CFAP69: variants seen among roughly 807,000 people sequenced by gnomAD.
The protein encoded by CFAP69 is cilia and flagella associated protein 69.
A neutral mutation model predicts 123.0 loss-of-function variants in CFAP69; 92 were observed. That is an observed-to-expected ratio of 0.75 (90% CI 0.63 to 0.89). The LOEUF is 0.89. Ranked by LOEUF, CFAP69 falls within the 40% of genes least tolerant of loss-of-function variation. The probability of loss-of-function intolerance (pLI) is 0.00; values close to 1 mark genes in which losing one functional copy is unlikely to be tolerated. For synonymous variants in CFAP69, 380 were observed against 364.3 expected (o/e 1.04, Z -0.49); for missense variants, 1,067 against 1,096.9 (o/e 0.97, Z 0.39).
At chr7:90,319,086 G>T in the CFAP69 span, 3 of 289,606 alleles carry the variant, frequency 1.0e-5, no homozygotes, top group East Asian at 5.8e-5. Flanking sequence ...GCTTTCTTAT[G>T]AACTATTCAT....
rs77891904 is a variant in CFAP69 at position 90,254,663 on chromosome 7, G to A, written c.121-760G>A. Among the ~76,000 whole-genome samples, 693 of 152,198 alleles carry A rather than the reference G, an allele frequency of 4.6e-3. 2 individuals are homozygous for A. Among genetic ancestry groups the A allele is most frequent in the Middle Eastern group, 0.014 (4 of 294 alleles). On this transcript the variant is annotated intron_variant, in intron 1 of 22. Coordinates refer to ENST00000389297, the MANE Select transcript of CFAP69 (RefSeq NM_001039706.3). Reference sequence around the variant, plus strand: ...TTTGGGAAGGTAACACCTGAGCTTCGTCTTGAAGGACCTGTGGGAATTAAC... The same window carrying A: ...TTTGGGAAGGTAACACCTGAGCTTCATCTTGAAGGACCTGTGGGAATTAAC...
At position 90,299,961 on chromosome 7, in the gene CFAP69, G is replaced by A. The variant is rs796742992; in HGVS notation, c.1952G>A (p.Gly651Glu). 3 of 1,612,188 alleles carry A rather than the reference G, an allele frequency of 1.9e-6. No individual in the cohort carries two copies. Among genetic ancestry groups the A allele is most frequent in the South Asian group, 2.2e-5 (2 of 90,828 alleles). ...GCAGCTCATGTCAATGCTTGGCAAG[G>A]GAAGAAGGATCAGACAGCTGCTAGT... ...KTAAHVNAWQ[G>E]KKDQTAASLL... Residue 651 changes from glycine (G) to glutamate (E), a missense_variant, in exon 17 of 23, where the codon GGG becomes GAG. Coordinates refer to ENST00000389297, the MANE Select transcript of CFAP69 (RefSeq NM_001039706.3).
intron 8 of CFAP69, among the ~76,000 whole-genome samples, chr7:90,273,588 AG>A (rs1800281125): frequency 6.6e-6 from 1 of 152,220 alleles, no homozygotes; most frequent in Admixed American, 6.5e-5. Context: ...ATAGACATTC[AG>A]GAAGTATTTT....
chr7:90,264,104 A>AAATATATATAT (rs1554354285), intron 4 of CFAP69, among the ~76,000 whole-genome samples: 1 of 48,888 alleles, frequency 2.0e-5, no homozygotes, highest in Non-Finnish European at 4.0e-5. Context: ...AAAAAAAAAA[A>AAATATATATAT]ATATATATAT....
chr7:90,268,653 A>C (rs1270928366), intron 6 of CFAP69, among the ~76,000 whole-genome samples: 1 of 152,158 alleles, frequency 6.6e-6, no homozygotes, highest in Non-Finnish European at 1.5e-5. Context: ...TATAAATGTT[A>C]CTATTATGTT....
rs755126359 is a variant in CFAP69, at chr7:90,277,345, A to T, written c.1155+11A>T. The T allele has an allele frequency of 6.8e-7, 1 of 1,477,414 alleles. No homozygotes were observed. The highest frequency in any genetic ancestry group is 9.0e-7 in the Non-Finnish European group (1 of 1,115,340). The allele number at this position is 1,477,414 out of a possible 1,614,324, so 91.5% of individuals were successfully genotyped here. ...TTACCTACTGTACAGGTAAAGAGTA[A>T]TCAAGGCAGGAAAATCAATAAAAAT... On this transcript the variant is annotated intron_variant, in intron 11 of 22. Transcript: ENST00000389297.
At chr7:90,259,047 T>C (rs1254633365) in intron 3 of CFAP69, among the ~76,000 whole-genome samples, 1 of 152,188 alleles carries the variant, frequency 6.6e-6, no homozygotes, top group Non-Finnish European at 1.5e-5. Context: ...CAAAATATTA[T>C]ATAAATATAT....
At chr7:90,296,614 C>T (rs1362695185) in intron 15 of CFAP69, among the ~76,000 whole-genome samples, 1 of 151,856 alleles carries the variant, frequency 6.6e-6, no homozygotes, top group East Asian at 1.9e-4. Flanking sequence ...AGGCTGACCA[C>T]CACACCCAGC....
At chr7:90,251,053 C>A (rs2116561904) in intron 1 of CFAP69, among the ~76,000 whole-genome samples, 1 of 152,198 alleles carries the variant, frequency 6.6e-6, no homozygotes, top group East Asian at 1.9e-4. Flanking sequence ...AGTCTTCTCC[C>A]AGTCTACCTC....
chr7:90,273,247 T>A (rs940063488), intron 8 of CFAP69, among the ~76,000 whole-genome samples: 5 of 152,060 alleles, frequency 3.3e-5, no homozygotes, highest in African/African-American at 1.2e-4. Flanking sequence ...AAACTAAAAT[T>A]CAGTATGATG....
At chr7:90,288,446 C>A in intron 15 of CFAP69, 94 bp downstream of exon 15, 1 of 1,390,378 alleles carries the variant, frequency 7.2e-7, no homozygotes, top group South Asian at 1.4e-5. Flanking sequence ...TTTCCTTAGG[C>A]AATTTCATCT....
Position 90,309,205 on chromosome 7 carries a change from A to G in CFAP69, c.2551-58A>G, listed in dbSNP as rs878924864. ...ATTAAATATGTTTTTCATTGTAAGT[A>G]CCATCATTACTGATTTAATAGCAAT... On this transcript the variant is annotated intron_variant, in intron 21 of 22. Coordinates refer to ENST00000389297, the MANE Select transcript of CFAP69 (RefSeq NM_001039706.3). 10 of 802,048 alleles carry G rather than the reference A, an allele frequency of 1.2e-5. No homozygotes were observed. In the South Asian group the frequency reaches 2.0e-4, roughly 16 times the overall value. The allele number at this position is 802,048 out of a possible 1,614,324, so 49.7% of individuals were successfully genotyped here. A position where few individuals can be genotyped will look rare whatever the true frequency, so the allele number is the denominator to read the frequency against.
chr7:90,309,273 G>C lies in CFAP69; in HGVS notation c.2561G>C (p.Ser854Thr). The C allele has an allele frequency of 1.3e-6, 2 of 1,514,612 alleles. No individual in the cohort carries two copies. The highest frequency in any genetic ancestry group is 1.4e-5 in the African/African-American group (1 of 70,980). 93.8% of individuals were successfully genotyped at this position (1,514,612 alleles called of 1,614,324 possible). Reference sequence around the variant, plus strand: ...TTTAAAAATCCTCAGAAAGCAAAAAGCCTTCAAGAAAAAGCTATAGAAGCC... The same window carrying C: ...TTTAAAAATCCTCAGAAAGCAAAAACCCTTCAAGAAAAAGCTATAGAAGCC... ...SNAKTLKKAK[S>T]LQEKAIEASR... Residue 854 changes from serine to threonine, a missense_variant, in exon 22 of 23, where the codon AGC (serine) becomes ACC (threonine). Coordinates refer to ENST00000389297, the MANE Select transcript of CFAP69 (RefSeq NM_001039706.3).
chr7:90,266,905 T>C (rs1479445756), intron 5 of CFAP69, among the ~76,000 whole-genome samples: 1 of 152,198 alleles, frequency 6.6e-6, no homozygotes, highest in Non-Finnish European at 1.5e-5. Context: ...TATTTCTGAC[T>C]CAGAGGCAAG....
At chr7:90,308,139 T>C (rs907320552) in intron 21 of CFAP69, among the ~76,000 whole-genome samples, 27 of 152,190 alleles carry the variant, frequency 1.8e-4, no homozygotes, top group African/African-American at 6.5e-4. Context: ...GAAAATGTGT[T>C]CTGCTTTCCA....
chr7:90,275,428 C>T (rs554836558), intron 9 of CFAP69, among the ~76,000 whole-genome samples: 1 of 151,956 alleles, frequency 6.6e-6, no homozygotes, highest in East Asian at 1.9e-4. Context: ...ATTTAGCATT[C>T]TCTCTCTCTG....
intron 1 of CFAP69, among the ~76,000 whole-genome samples, chr7:90,250,187 G>GGAGAGAGAGATA (rs1796802086): frequency 2.4e-5 from 3 of 125,792 alleles, no homozygotes; most frequent in African/African-American, 9.1e-5. Context: ...TTTAAAGAGA[G>GGAGAGAGAGATA]GAGAGAGAGA....
Position 90,265,305 on chromosome 7 carries a change from C to T in CFAP69, c.361C>T (p.Pro121Ser), listed in dbSNP as rs1348570947. ...AYDIIKLCGL[P>S]FLKKKVSDEI... The stretch of plus-strand genomic sequence containing the variant: ...AATTCTTCATTCTTATTGAAGCTTG[C>T]CATTTTTGAAAAAGAAAGTGTCGGA... The change falls in exon 5 of 23, where the codon CCA becomes TCA. Residue 121 changes from proline to serine, a missense_variant. Coordinates refer to ENST00000389297, the MANE Select transcript of CFAP69 (RefSeq NM_001039706.3). 6.2e-7 allele frequency: 1 copy of T among 1,605,238 alleles called. No homozygotes were observed.
At position 90,279,810 on chromosome 7, in the gene CFAP69, T is replaced by C; in HGVS notation, c.1289T>C (p.Val430Ala). 6.2e-7 allele frequency: 1 copy of C among 1,612,858 alleles called. No individual in the cohort carries two copies. The highest frequency in any genetic ancestry group is 1.1e-5 in the South Asian group (1 of 90,798). Reference sequence around the variant, plus strand: ...CATGCAATTGCCACTTTGTCATCAGTGGCTCCTTTATTAATAGAAGAATAC... The same window carrying C: ...CATGCAATTGCCACTTTGTCATCAGCGGCTCCTTTATTAATAGAAGAATAC... ...QLHAIATLSS[V>A]APLLIEEYMS... The change falls in exon 12 of 23, where the codon GTG becomes GCG. Residue 430 changes from valine (V) to alanine (A), a missense_variant. Physicochemically the swap from Val to Ala is moderately conservative, Grantham distance 64. Coordinates refer to ENST00000389297, the MANE Select transcript of CFAP69 (RefSeq NM_001039706.3).
Sources: gnomAD v4.1 joint callset for allele counts (sites outside exome capture counted in the v4.1 genomes callset) on GRCh38, gnomAD v4.1.1 for gene constraint, MANE v1.5 for transcripts, NCBI Gene and HGNC (gene_info 2026-07-23, HGNC 2026-07-21) for gene names.